ITGA8: variants seen among roughly 807,000 people sequenced by gnomAD.
ITGA8 encodes integrin subunit alpha 8.
A neutral mutation model predicts 142.3 loss-of-function variants in ITGA8; 91 were observed. The observed-to-expected ratio is 0.64, with a 90% confidence interval of 0.54 to 0.76. The LOEUF (loss-of-function observed/expected upper bound fraction) is 0.76, where lower values mean the gene tolerates loss of function less well. Ranked by LOEUF, ITGA8 falls within the 30% of genes least tolerant of loss-of-function variation. The pLI, the probability that ITGA8 is intolerant of heterozygous loss-of-function variation, is 0.00. For synonymous variants in ITGA8, 505 were observed against 485.2 expected (o/e 1.04, Z -0.54); for missense variants, 1,406 against 1,327.7 (o/e 1.06, Z -0.92).
chr10:15,675,289 G>C (rs1834606136), intron 6 of ITGA8, among the ~76,000 whole-genome samples: 1 of 151,980 alleles, frequency 6.6e-6, no homozygotes, highest in African/African-American at 2.4e-5. Context: ...CCCTCTCCAG[G>C]CCACTCTAAA....
intron 2 of ITGA8, among the ~76,000 whole-genome samples, chr10:15,697,046 A>AACACACACACACACACACACACACAC (rs1491456295): frequency 4.9e-4 from 72 of 147,520 alleles, no homozygotes; most frequent in African/African-American, 1.6e-3. Flanking sequence ...TTGTCTCTAA[A>AACACACACACACACACACACACACAC]ACACACACAC....
Position 15,613,708 on chromosome 10 carries a change from A to G in ITGA8, c.1505T>C (p.Leu502Pro), listed in dbSNP as rs1359371824. The G allele has an allele frequency of 1.1e-5, 17 of 1,614,056 alleles. No individual in the cohort carries two copies. Among genetic ancestry groups the G allele is most frequent in the Admixed American group, 6.7e-5 (4 of 60,004 alleles). Residue 502 changes from leucine (L) to proline (P), a missense_variant, in exon 15 of 30, where the codon CTT (leucine) becomes CCT (proline). Transcript: ENST00000378076. ...QLLLHPMIIN[L>P]ENKTCQVPDS... The stretch of plus-strand genomic sequence containing the variant: ...TGGAACCTGGCAAGTTTTATTTTCA[A>G]GATTGATAATCATTGGGTGCAGCAG...
chr10:15,604,222 C>G lies in ITGA8; in HGVS notation c.2104G>C (p.Glu702Gln). The G allele has an allele frequency of 6.2e-7, 1 of 1,610,202 alleles. No homozygotes were observed. Residue 702 changes from glutamate (E) to glutamine (Q), a missense_variant, in exon 20 of 30, where the codon GAA becomes CAA. Coordinates refer to ENST00000378076, the MANE Select transcript of ITGA8 (RefSeq NM_003638.3). ...IPEEADYVGI[E>Q]RNNKGFRPLS... ...GCAGGCATTACCTTGTTGTTGCGTTCGATTCCAACATAATCTGCCTCTTCT... is the reference window on the plus strand; with the variant it reads ...GCAGGCATTACCTTGTTGTTGCGTTGGATTCCAACATAATCTGCCTCTTCT...
rs9333079 is a variant in ITGA8, at chr10:15,688,141, C to G, written c.344-103G>C. The G allele has an allele frequency of 3.7e-3, 2,801 of 764,764 alleles. 50 individuals carry two copies. In the African/African-American group the frequency reaches 0.043, roughly 12 times the overall value. 47.4% of individuals were successfully genotyped at this position (764,764 alleles called of 1,614,324 possible). A position where few individuals can be genotyped will look rare whatever the true frequency, so the allele number is the denominator to read the frequency against. ...AAAAATACTTGAACTAATACCAATC[C>G]TTGTCAAACTCCTCCAAAAAAATTG... On this transcript the variant is annotated intron_variant, in intron 2 of 29. Coordinates refer to ENST00000378076, the MANE Select transcript of ITGA8 (RefSeq NM_003638.3).
chr10:15,639,928 T>G (rs1447509694), intron 13 of ITGA8, among the ~76,000 whole-genome samples: 2 of 149,124 alleles, frequency 1.3e-5, no homozygotes, highest in Non-Finnish European at 3.0e-5. Flanking sequence ...GAATAGATTG[T>G]GAAGCTCAGA....
chr10:15,566,912 C>T (rs1834090828), intron 25 of ITGA8, among the ~76,000 whole-genome samples: 1 of 144,492 alleles, frequency 6.9e-6, no homozygotes, highest in Non-Finnish European at 1.5e-5. Context: ...TGAGCCACTG[C>T]ACCCGGCCTC....
chr10:15,692,862 G>A (rs1221448246), intron 2 of ITGA8, among the ~76,000 whole-genome samples: 3 of 152,230 alleles, frequency 2.0e-5, no homozygotes, highest in African/African-American at 4.8e-5. Flanking sequence ...GAGGCCAGGA[G>A]TTTGAGACCA....
intron 27 of ITGA8, among the ~76,000 whole-genome samples, chr10:15,545,990 T>A (rs1833661411): frequency 2.0e-5 from 3 of 152,188 alleles, no homozygotes. Context: ...GACACACTGG[T>A]CTCCATTTGT....
intron 1 of ITGA8, 36 bp downstream of exon 1, chr10:15,719,527 G>A (rs1337864802): frequency 2.7e-6 from 4 of 1,501,726 alleles, no homozygotes; most frequent in East Asian, 2.7e-5. Context: ...GAGCGCCTTC[G>A]TCCCCGCGCG....
intron 27 of ITGA8, among the ~76,000 whole-genome samples, chr10:15,536,759 A>C (rs1481050722): frequency 6.6e-6 from 1 of 152,134 alleles, no homozygotes; most frequent in African/African-American, 2.4e-5. Context: ...TTTGTAGCTC[A>C]CTGGCTGTCT....
chr10:15,694,407 C>CATATATGATA (rs1189085266), intron 2 of ITGA8, among the ~76,000 whole-genome samples: 4 of 135,506 alleles, frequency 3.0e-5, no homozygotes, highest in Admixed American at 7.8e-5. Context: ...GATAATATAT[C>CATATATGATA]ATATATCAGA....
At chr10:15,517,328 A>ATT (rs373105081) in intron 29 of ITGA8, 84 bp from the exon 30 acceptor site, 222 of 720,410 alleles carry the variant, frequency 3.1e-4, no homozygotes, top group African/African-American at 2.7e-3. Context: ...CACTTTATGT[A>ATT]TTTTTTTTTT....
intron 4 of ITGA8, among the ~76,000 whole-genome samples, chr10:15,683,211 A>G (rs1046783789): frequency 2.6e-5 from 4 of 152,170 alleles, no homozygotes; most frequent in Non-Finnish European, 5.9e-5. Flanking sequence ...CTAGTGATCT[A>G]TCTGGCACAC....
At chr10:15,663,306 G>T (rs1834324807) in intron 8 of ITGA8, among the ~76,000 whole-genome samples, 1 of 151,814 alleles carries the variant, frequency 6.6e-6, no homozygotes, top group Non-Finnish European at 1.5e-5. Context: ...TTTTATTTTA[G>T]ATATTTTATT....
At chr10:15,541,081 A>T (rs1833560111) in intron 27 of ITGA8, among the ~76,000 whole-genome samples, 1 of 152,204 alleles carries the variant, frequency 6.6e-6, no homozygotes, top group Admixed American at 6.5e-5. Context: ...GGATATAAAG[A>T]GAGTTGCCAA....
At chr10:15,607,452 T>C (rs1439995397) in intron 17 of ITGA8, among the ~76,000 whole-genome samples, 1 of 152,170 alleles carries the variant, frequency 6.6e-6, no homozygotes, top group Non-Finnish European at 1.5e-5. Context: ...AAGATTTTGA[T>C]CAAAATGAAA....
Position 15,531,152 on chromosome 10 carries a change from CT to C in ITGA8, c.2881-2del. The stretch of plus-strand genomic sequence containing the variant: ...CAAGAGCATAGGGATCATTTTTTCT[CT>C]GAAAGTAAAAGTATTTATTTAAATA... On this transcript the variant is annotated splice_acceptor_variant, in intron 27 of 29. Transcript: ENST00000378076. LOFTEE classifies it high-confidence loss of function. 6.9e-7 allele frequency: 1 copy of C among 1,445,028 alleles called. No homozygotes were observed. Among genetic ancestry groups the C allele is most frequent in the Non-Finnish European group, 9.3e-7 (1 of 1,079,034 alleles). 89.5% of individuals were successfully genotyped at this position (1,445,028 alleles called of 1,614,324 possible).
intron 26 of ITGA8, among the ~76,000 whole-genome samples, chr10:15,550,864 G>A (rs371241388): frequency 6.6e-6 from 1 of 151,992 alleles, no homozygotes; most frequent in African/African-American, 2.4e-5. Context: ...GGGAAGATTG[G>A]GGGGCAGGAG....
intron 28 of ITGA8, among the ~76,000 whole-genome samples, chr10:15,523,756 CAA>C (rs11388685): frequency 0.026 from 2,988 of 117,058 alleles, 102 homozygotes; most frequent in African/African-American, 0.087. Context: ...CTAAAAATAC[CAA>C]AAAAAAAAAA....
Sources: allele counts gnomAD v4.1 joint callset (sites outside exome capture counted in the v4.1 genomes callset), GRCh38; gene constraint gnomAD v4.1.1; transcripts MANE v1.5; gene names NCBI Gene and HGNC (gene_info 2026-07-23, HGNC 2026-07-21).